CD83: variants seen among roughly 807,000 people sequenced by gnomAD.
CD83 encodes CD83 antigen.
In CD83, 22 loss-of-function variants were observed where a neutral mutation model predicts 24.6. The observed-to-expected ratio is 0.90, with a 90% CI of 0.64 to 1.28. The LOEUF (loss-of-function observed/expected upper bound fraction) is 1.28, where lower values mean the gene tolerates loss of function less well. CD83 is among the 50% of genes most tolerant of loss of function. The probability of loss-of-function intolerance (pLI) is 0.00; values close to 1 mark genes in which losing one functional copy is unlikely to be tolerated. For missense variants in CD83, 253 were observed against 252.8 expected (o/e 1.00, Z -0.01); for synonymous variants, 101 against 103.5 (o/e 0.98, Z 0.14).
At position 14,131,528 on chromosome 6, in the gene CD83, G is replaced by C; in HGVS notation, c.162G>C (p.Glu54Asp). 6.2e-7 allele frequency: 1 copy of C among 1,612,084 alleles called. No individual in the cohort carries two copies. The highest frequency in any genetic ancestry group is 8.5e-7 in the Non-Finnish European group (1 of 1,178,140). Residue 54 changes from glutamate to aspartate, a missense_variant, in exon 3 of 5, where the codon GAG becomes GAC. Physicochemically the swap from Glu to Asp is conservative, Grantham distance 45. Transcript: ENST00000379153. ...TGATTCCTTCTTCACAGTTATTGGA[G>C]GGTGGTGAAGAGAGGATGGAGACAC... ...PYTVSWVKLL[E>D]GGEERMETPQ...
At position 14,135,279 on chromosome 6, in the gene CD83, G is replaced by T. The variant is rs761140587; in HGVS notation, c.*43G>T. The T allele has an allele frequency of 2.5e-6, 4 of 1,600,168 alleles. No homozygotes were observed. The African/African-American group carries it at 5.4e-5, about 22-fold the overall frequency. ...TCTTCTTCCTGAAGCTGAGGCTCAGGGGTGTGCCTGTCTGTTACACTGGAG... is the reference window on the plus strand; with the variant it reads ...TCTTCTTCCTGAAGCTGAGGCTCAGTGGTGTGCCTGTCTGTTACACTGGAG... On this transcript the variant is annotated 3_prime_UTR_variant, in exon 5 of 5. Transcript: ENST00000379153.
chr6:14,117,843 G>T lies in CD83; in HGVS notation c.32G>T (p.Ser11Ile). 6.3e-7 allele frequency: 1 copy of T among 1,575,046 alleles called. No individual in the cohort carries two copies. The highest frequency in any genetic ancestry group is 2.3e-5 in the East Asian group (1 of 42,852). Residue 11 changes from serine to isoleucine, a missense_variant, in exon 1 of 5, where the codon AGC becomes ATC. By Grantham distance (142) the Ser-to-Ile change is moderately radical. Transcript: ENST00000379153. This position sits in a 1 kb window ranked among gnomAD's most constrained non-coding sequence, Gnocchi z 4.6. MSRGLQLLLL[S>I]CAYSLAPATP... ...CGCGGCCTCCAGCTTCTGCTCCTGA[G>T]CTGCGGTAGGGCTCGCGAGCGCCTG... is the stretch of plus-strand genomic sequence containing the variant.
At chr6:14,117,529 G>T (rs1212020577), upstream of CD83, 6 of 150,092 alleles carry the variant, frequency 4.0e-5, no homozygotes, top group East Asian at 9.8e-4. This position sits in a 1 kb window ranked among gnomAD's most constrained non-coding sequence, Gnocchi z 4.6. Context: ...ACGCGAACTC[G>T]GGGCGCCCGG....
intron 2 of CD83, among the ~76,000 whole-genome samples, chr6:14,124,247 A>G (rs1290963488): frequency 6.6e-6 from 1 of 152,202 alleles, no homozygotes. Context: ...AGTCTACTGC[A>G]TATCCCAAAT....
intron 2 of CD83, among the ~76,000 whole-genome samples, chr6:14,120,017 G>A (rs910431947): frequency 6.6e-6 from 1 of 152,188 alleles, no homozygotes; most frequent in African/African-American, 2.4e-5. Context: ...ATTCTTGCGA[G>A]ATTTACCCCC....
chr6:14,118,178 G>T, intron 2 of CD83, 113 bp downstream of exon 2: 1 of 680,756 alleles, frequency 1.5e-6, no homozygotes, highest in Non-Finnish European at 2.4e-6. Flanking sequence ...GGCGAGGGGC[G>T]TCTCCCGCAG....
intron 4 of CD83, among the ~76,000 whole-genome samples, chr6:14,134,162 G>T (rs558968139): frequency 6.6e-6 from 1 of 152,344 alleles, no homozygotes; most frequent in South Asian, 2.1e-4. Context: ...CCAGGGGATA[G>T]ATCAGCCTCC....
upstream of CD83, chr6:14,117,765 G>A (rs547736250): frequency 3.6e-5 from 49 of 1,352,750 alleles, 1 homozygote; most frequent in Middle Eastern, 5.1e-4. The surrounding 1 kb of genome is among the most constrained non-coding windows in gnomAD (Gnocchi z 4.6). Flanking sequence ...GCCGGCGCCC[G>A]CGCGCCACAG....
upstream of CD83, chr6:14,117,618 G>GGGCGGGGACGGC (rs1759559846): frequency 3.3e-6 from 1 of 303,746 alleles, no homozygotes; most frequent in African/African-American, 2.3e-5. The surrounding 1 kb of genome is among the most constrained non-coding windows in gnomAD (Gnocchi z 4.6). Flanking sequence ...GCGGGGACGG[G>GGGCGGGGACGGC]GGCGAAGGGG....
chr6:14,126,542 T>A (rs1443251207), intron 2 of CD83, among the ~76,000 whole-genome samples: 1 of 152,214 alleles, frequency 6.6e-6, no homozygotes, highest in East Asian at 1.9e-4. Flanking sequence ...ATGTTGCCTC[T>A]GCTATACTCA....
At position 14,125,178 on chromosome 6, in the gene CD83, C is replaced by T. The variant is rs879497397; in HGVS notation, c.154-6342C>T. On this transcript the variant is annotated intron_variant, in intron 2 of 4. Transcript: ENST00000379153. Reference sequence around the variant, plus strand: ...TGGCCTCCTGAACTGTGAGAGAATACATTTCTATTGTTTCAGCCACCCAGT... The same window carrying T: ...TGGCCTCCTGAACTGTGAGAGAATATATTTCTATTGTTTCAGCCACCCAGT... Among the ~76,000 whole-genome samples the T allele has an allele frequency of 3.9e-5, 6 of 152,334 alleles. No homozygotes were observed. The South Asian group carries it at 1.2e-3, about 32-fold the overall frequency.
upstream of CD83, chr6:14,117,593 G>T (rs1294480640): frequency 6.8e-6 from 1 of 146,668 alleles, no homozygotes; most frequent in East Asian, 9.2e-5. This position sits in a 1 kb window ranked among gnomAD's most constrained non-coding sequence, Gnocchi z 4.6. Flanking sequence ...GGGTGCGACG[G>T]GGGCGGGGAC....
intron 2 of CD83, among the ~76,000 whole-genome samples, chr6:14,119,655 T>C (rs963459074): frequency 4.6e-5 from 7 of 152,188 alleles, no homozygotes; most frequent in African/African-American, 1.7e-4. Context: ...TGATCTCTGT[T>C]TTCTCCCTTA....
Position 14,135,228 on chromosome 6 carries a change from C to T in CD83, c.610C>T (p.Leu204=), listed in dbSNP as rs917687102. 3.1e-6 allele frequency: 5 copies of T among 1,614,004 alleles called. No individual in the cohort carries two copies. Among genetic ancestry groups the T allele is most frequent in the Admixed American group, 1.7e-5 (1 of 60,012 alleles). Residue 204 remains leucine, a synonymous_variant, in exon 5 of 5, where the codon CTG becomes TTG. Transcript: ENST00000379153. ...LGLVTPHKTE[L]V ...GCTAGTGACTCCTCACAAGACAGAACTGGTATGAGCAGGATTTCTGCAGGT... is the reference window on the plus strand; with the variant it reads ...GCTAGTGACTCCTCACAAGACAGAATTGGTATGAGCAGGATTTCTGCAGGT...
At position 14,129,863 on chromosome 6, in the gene CD83, G is replaced by GTA. The variant is rs1554136322; in HGVS notation, c.154-1654_154-1653dup. Among the ~76,000 whole-genome samples, 47 of 150,664 alleles carry GTA rather than the reference G, an allele frequency of 3.1e-4. No homozygotes were observed. Among genetic ancestry groups the GTA allele is most frequent in the Admixed American group, 7.9e-4 (12 of 15,202 alleles). On this transcript the variant is annotated intron_variant, in intron 2 of 4. Coordinates refer to ENST00000379153, the MANE Select transcript of CD83 (RefSeq NM_004233.4). This position sits in a 1 kb window ranked among gnomAD's most constrained non-coding sequence, Gnocchi z 4.3. Reference sequence around the variant, plus strand: ...TGTGTGTGTGTGTGTGTGTGTGTGTGTATACGAGTGCACACGTGCCCATGT... The same window carrying GTA: ...TGTGTGTGTGTGTGTGTGTGTGTGTGTATATACGAGTGCACACGTGCCCATGT...
chr6:14,125,338 C>A (rs1759778670), intron 2 of CD83, among the ~76,000 whole-genome samples: 1 of 152,236 alleles, frequency 6.6e-6, no homozygotes, highest in Non-Finnish European at 1.5e-5. Flanking sequence ...CTCTACATAG[C>A]AGCCAGATCA....
Position 14,135,367 on chromosome 6 carries a change from A to C in CD83, c.*131A>C, listed in dbSNP as rs896377333. On this transcript the variant is annotated 3_prime_UTR_variant, in exon 5 of 5. Transcript: ENST00000379153. ...TGAAGTCCTTCACCTCACTGAAAAC[A>C]TCTGGAAGGGGATCCCACCCCATTT... The C allele has an allele frequency of 1.2e-5, 12 of 1,006,988 alleles. No homozygotes were observed. The African/African-American group carries it at 1.3e-4, about 11-fold the overall frequency. The allele number at this position is 1,006,988 out of a possible 1,614,324, so 62.4% of individuals were successfully genotyped here. A position where few individuals can be genotyped will look rare whatever the true frequency, so the allele number is the denominator to read the frequency against.
rs755912096 is a variant in CD83 at position 14,135,473 on chromosome 6, G to A, written c.*237G>A. On this transcript the variant is annotated 3_prime_UTR_variant, in exon 5 of 5. Transcript: ENST00000379153. ...GCTTCTCCATGGCCACCTTTTCAGC[G>A]ATGTATGCAGCTATCTGGTCAACCT... 6 of 483,048 alleles carry A rather than the reference G, an allele frequency of 1.2e-5. No individual in the cohort carries two copies. The East Asian group carries it at 1.3e-4, about 10-fold the overall frequency. 29.9% of individuals were successfully genotyped at this position (483,048 alleles called of 1,614,324 possible).
rs1757907511 is a variant in CD83, at chr6:14,131,687, C to T, written c.321C>T (p.Cys107=). The T allele has an allele frequency of 6.2e-7, 1 of 1,614,070 alleles. No homozygotes were observed. The highest frequency in any genetic ancestry group is 1.3e-5 in the African/African-American group (1 of 74,930). ...TTSCNSGTYR[C]TLQDPDGQRN... ...GCTGCAACTCGGGGACATACAGGTGCACTCTGCAGGACCCGGATGGGCAGA... is the reference window on the plus strand; with the variant it reads ...GCTGCAACTCGGGGACATACAGGTGTACTCTGCAGGACCCGGATGGGCAGA... Residue 107 remains cysteine, a synonymous_variant, in exon 3 of 5, where the codon TGC becomes TGT. Transcript: ENST00000379153.
Sources: allele counts gnomAD v4.1 joint callset (sites outside exome capture counted in the v4.1 genomes callset), GRCh38; gene constraint gnomAD v4.1.1; non-coding constraint Gnocchi (gnomAD v3.1); transcripts MANE v1.5; gene names NCBI Gene and HGNC (gene_info 2026-07-23, HGNC 2026-07-21).